The following RBFOX1 variants were observed in gnomAD, a reference collection of about 807,000 sequenced individuals.
RBFOX1 encodes the protein RNA binding fox-1 homolog 1.
Under a neutral mutation model 57.7 loss-of-function variants are expected in RBFOX1, and 8 were observed. That is an observed-to-expected ratio of 0.14 (90% CI 0.08 to 0.25). RBFOX1 has a LOEUF of 0.25. RBFOX1 is among the 10% of genes least tolerant of loss of function. The pLI, the probability that RBFOX1 is intolerant of heterozygous loss-of-function variation, is 1.00. For missense variants in RBFOX1, 611 were observed against 548.5 expected, an observed-to-expected ratio of 1.11 and a Z score of -1.14; for synonymous variants, 326 against 222.4, an observed-to-expected ratio of 1.47 and a Z score of -4.15.
intron 1 of RBFOX1, among the ~76,000 whole-genome samples, chr16:5,300,081 T>C (rs1181260758): frequency 6.6e-6 from 1 of 152,160 alleles, no homozygotes; most frequent in East Asian, 1.9e-4. Flanking sequence ...TTCCCTTTTT[T>C]CTCTTAGTGT....
At chr16:6,094,693 C>G (rs116291700) in intron 1 of RBFOX1, among the ~76,000 whole-genome samples, 80 of 152,290 alleles carry the variant, frequency 5.3e-4, no homozygotes, top group African/African-American at 1.6e-3. Context: ...TCCTATGACT[C>G]AGTTTCCTCA....
At chr16:7,214,508 C>G (rs1046670854) in intron 4 of RBFOX1, among the ~76,000 whole-genome samples, 1 of 151,992 alleles carries the variant, frequency 6.6e-6, no homozygotes, top group Admixed American at 6.6e-5. Context: ...CTCTCTGGTC[C>G]AAACCTCATC....
At chr16:6,931,486 C>G (rs1454677179) in intron 3 of RBFOX1, among the ~76,000 whole-genome samples, 4 of 152,110 alleles carry the variant, frequency 2.6e-5, no homozygotes, top group Admixed American at 6.6e-5. Flanking sequence ...GAAGTAGAAC[C>G]TACTACATCA....
intron 4 of RBFOX1, among the ~76,000 whole-genome samples, chr16:7,400,443 C>G (rs1473230205): frequency 6.6e-6 from 1 of 152,152 alleles, no homozygotes; most frequent in Non-Finnish European, 1.5e-5. Context: ...TGAAAAAACA[C>G]AAGAAAGTCC....
chr16:7,627,913 G>A (rs1008607150), intron 10 of RBFOX1, among the ~76,000 whole-genome samples: 8 of 138,696 alleles, frequency 5.8e-5, no homozygotes, highest in Admixed American at 1.4e-4. Context: ...ATTGCATAAA[G>A]ATTTTTTTTT....
chr16:7,539,968 C>A (rs1467813244), intron 5 of RBFOX1, among the ~76,000 whole-genome samples: 1 of 152,180 alleles, frequency 6.6e-6, no homozygotes, highest in East Asian at 1.9e-4. Flanking sequence ...TTATTCACTG[C>A]ATGACTTTGG....
In RBFOX1 at chr16:5,380,008, G is replaced by T. The variant is rs193152071; in HGVS notation, c.220-87208G>T. Among the ~76,000 whole-genome samples, 628 of 152,314 alleles carry T rather than the reference G, an allele frequency of 4.1e-3. 2 individuals are homozygous for T. Among genetic ancestry groups the T allele is most frequent in the African/African-American group, 0.014 (577 of 41,570 alleles). ...AACCTGGGAGCCTGGGCACAGCCTT[G>T]CAGTGGGCGGTGTGAGGGCACAGCA... On this transcript the variant is annotated intron_variant, in intron 1 of 2. Transcript: ENST00000585867.
intron 4 of RBFOX1, among the ~76,000 whole-genome samples, chr16:7,198,995 T>C (rs1314589087): frequency 3.3e-5 from 5 of 151,960 alleles, no homozygotes; most frequent in Non-Finnish European, 5.9e-5. Flanking sequence ...TCTGGGAAAG[T>C]AGAAAAGGAG....
At chr16:6,504,804 C>G (rs565953077) in intron 2 of RBFOX1, among the ~76,000 whole-genome samples, 2 of 152,208 alleles carry the variant, frequency 1.3e-5, no homozygotes, top group African/African-American at 2.4e-5. Flanking sequence ...GCCTGTAATC[C>G]CAGCACTTTG....
chr16:5,654,539 A>T (rs919831850), intron 3 of RBFOX1, among the ~76,000 whole-genome samples: 1 of 152,046 alleles, frequency 6.6e-6, no homozygotes, highest in African/African-American at 2.4e-5. Context: ...CCAAGACTCC[A>T]AGCACAGGAC....
chr16:6,033,187 G>C (rs929288125), intron 1 of RBFOX1, among the ~76,000 whole-genome samples: 1 of 152,178 alleles, frequency 6.6e-6, no homozygotes, highest in Non-Finnish European at 1.5e-5. Context: ...ACAGGAAAAA[G>C]ATTCACTCAA....
intron 4 of RBFOX1, among the ~76,000 whole-genome samples, chr16:7,103,356 C>G (rs546078558): frequency 3.0e-4 from 46 of 152,230 alleles, no homozygotes; most frequent in African/African-American, 1.1e-3. Context: ...AGGCATCGTT[C>G]CTGATGCTGG....
At chr16:6,716,578 C>T (rs1049130582) in intron 3 of RBFOX1, among the ~76,000 whole-genome samples, 2 of 152,244 alleles carry the variant, frequency 1.3e-5, no homozygotes, top group African/African-American at 4.8e-5. Context: ...GAACTTGTCT[C>T]AGAATCTTTC....
At chr16:7,350,319 A>G (rs190554454) in intron 4 of RBFOX1, among the ~76,000 whole-genome samples, 4 of 152,280 alleles carry the variant, frequency 2.6e-5, no homozygotes, top group African/African-American at 9.6e-5. Flanking sequence ...CTGAGATGGA[A>G]TGAAATGGGT....
At chr16:6,906,986 A>G (rs1445411333) in intron 3 of RBFOX1, among the ~76,000 whole-genome samples, 1 of 152,134 alleles carries the variant, frequency 6.6e-6, no homozygotes, top group African/African-American at 2.4e-5. Context: ...AGCTTCCCAA[A>G]GTGCTAGGAT....
chr16:6,839,665 C>T (rs895126283), intron 3 of RBFOX1, among the ~76,000 whole-genome samples: 3 of 152,124 alleles, frequency 2.0e-5, no homozygotes, highest in South Asian at 2.1e-4. Context: ...TTTGCAAACT[C>T]TCCTATTTTT....
At chr16:6,421,166 C>T (rs959675916) in intron 2 of RBFOX1, among the ~76,000 whole-genome samples, 1 of 152,118 alleles carries the variant, frequency 6.6e-6, no homozygotes, top group Non-Finnish European at 1.5e-5. Flanking sequence ...CTTCTTGATC[C>T]AATTTCAGGA....
chr16:6,445,656 C>G (rs564395107), intron 2 of RBFOX1, among the ~76,000 whole-genome samples: 1 of 148,694 alleles, frequency 6.7e-6, no homozygotes, highest in South Asian at 2.1e-4. Context: ...AATCTGGGCT[C>G]ACAGCAACCT....
chr16:5,297,197 G>A (rs1486738417), intron 1 of RBFOX1, among the ~76,000 whole-genome samples: 1 of 152,148 alleles, frequency 6.6e-6, no homozygotes, highest in Non-Finnish European at 1.5e-5. Context: ...TGGCTATTGT[G>A]AATAGTGCTG....
Sources: gnomAD v4.1 joint callset for allele counts (sites outside exome capture counted in the v4.1 genomes callset) on GRCh38, gnomAD v4.1.1 for gene constraint, MANE v1.5 for transcripts, NCBI Gene and HGNC (gene_info 2026-07-23, HGNC 2026-07-21) for gene names.